The following DGKB variants were observed in gnomAD, a reference collection of about 807,000 sequenced individuals.
DGKB encodes diacylglycerol kinase beta, also known as 90 kDa diacylglycerol kinase.
A neutral mutation model predicts 114.3 loss-of-function variants in DGKB; 67 were observed. The observed-to-expected ratio is 0.59, with a 90% CI of 0.48 to 0.72. DGKB has a LOEUF of 0.72. DGKB is among the 30% of genes least tolerant of loss of function. The pLI, the probability that DGKB is intolerant of heterozygous loss-of-function variation, is 0.00. For missense variants in DGKB, 907 were observed against 975.2 expected, an observed-to-expected ratio of 0.93 and a Z score of 0.93; for synonymous variants, 398 against 323.1, an observed-to-expected ratio of 1.23 and a Z score of -2.49.
Position 14,502,066 on chromosome 7 carries a change from C to T in DGKB, c.1771-23841G>A, listed in dbSNP as rs911752217. ...CATTATTTTTTTCCCTACTTGTTCA[C>T]ACATGTCATACCCCAGTGAAAGAGG... On this transcript the variant is annotated intron_variant, in intron 20 of 25. Coordinates refer to ENST00000402815, the MANE Select transcript of DGKB (RefSeq NM_001350709.2). Among the ~76,000 whole-genome samples the T allele has an allele frequency of 2.8e-4, 42 of 151,992 alleles. 1 individual carries two copies. The highest frequency in any genetic ancestry group is 1.6e-4 in the Non-Finnish European group (11 of 67,874).
chr7:14,470,189 T>G (rs1584191317), intron 21 of DGKB, among the ~76,000 whole-genome samples: 1 of 151,978 alleles, frequency 6.6e-6, no homozygotes, highest in African/African-American at 2.4e-5. Flanking sequence ...CTCATGAAGA[T>G]ATGATTCTCT....
intron 23 of DGKB, among the ~76,000 whole-genome samples, chr7:14,324,652 C>T (rs1260777467): frequency 6.6e-6 from 1 of 152,066 alleles, no homozygotes; most frequent in African/African-American, 2.4e-5. Flanking sequence ...ATACTTTCTA[C>T]ATTTTATAAG....
intron 23 of DGKB, among the ~76,000 whole-genome samples, chr7:14,270,226 C>T (rs1407134868): frequency 2.0e-5 from 3 of 152,206 alleles, no homozygotes; most frequent in African/African-American, 4.8e-5. Context: ...CTATGCTCTC[C>T]GTTTCTCGAG....
At chr7:14,193,634 G>A (rs1183956621) in intron 23 of DGKB, among the ~76,000 whole-genome samples, 1 of 152,102 alleles carries the variant, frequency 6.6e-6, no homozygotes, top group Non-Finnish European at 1.5e-5. Flanking sequence ...ACGTTAGGGT[G>A]GGCAAGGACT....
At chr7:14,280,128 T>G (rs906374793) in intron 23 of DGKB, among the ~76,000 whole-genome samples, 5 of 151,438 alleles carry the variant, frequency 3.3e-5, no homozygotes, top group African/African-American at 1.2e-4. Context: ...TTTAGAAGAA[T>G]GTATAACTAG....
chr7:14,895,508 G>T (rs947374683), intron 1 of DGKB, among the ~76,000 whole-genome samples: 4 of 151,564 alleles, frequency 2.6e-5, no homozygotes, highest in African/African-American at 9.7e-5. Context: ...CTAAACATCA[G>T]CTCTTTGTTC....
chr7:14,243,116 A>G (rs527676630), intron 23 of DGKB, among the ~76,000 whole-genome samples: 2 of 152,222 alleles, frequency 1.3e-5, no homozygotes, highest in Admixed American at 1.3e-4. Flanking sequence ...TTTTTAGGTA[A>G]TTTACCTTTC....
intron 1 of DGKB, among the ~76,000 whole-genome samples, chr7:14,949,298 C>A (rs879762900): frequency 4.6e-5 from 7 of 151,838 alleles, no homozygotes; most frequent in Non-Finnish European, 1.0e-4. Flanking sequence ...TGACTTATAG[C>A]AAAGGGTTGT....
chr7:14,597,943 A>C (rs572617681), intron 17 of DGKB, among the ~76,000 whole-genome samples: 1 of 152,170 alleles, frequency 6.6e-6, no homozygotes, highest in Non-Finnish European at 1.5e-5. Context: ...ATCAATTTAA[A>C]GCACAATCTT....
At chr7:14,545,559 G>T (rs1388912485) in intron 20 of DGKB, among the ~76,000 whole-genome samples, 1 of 152,150 alleles carries the variant, frequency 6.6e-6, no homozygotes, top group Non-Finnish European at 1.5e-5. Context: ...AAACAGACTA[G>T]AGCAAAGGAA....
intron 20 of DGKB, among the ~76,000 whole-genome samples, chr7:14,514,079 A>G (rs779085252): frequency 2.6e-5 from 4 of 152,112 alleles, no homozygotes; most frequent in South Asian, 2.1e-4. Context: ...TAAAATGCCA[A>G]TGGAAACCCT....
chr7:14,771,428 A>G (rs1376017915), intron 2 of DGKB, among the ~76,000 whole-genome samples: 3 of 152,030 alleles, frequency 2.0e-5, no homozygotes, highest in Non-Finnish European at 4.4e-5. Context: ...TCTGGGAACA[A>G]TATTACCCAA....
At chr7:14,658,415 G>A (rs1259319784) in intron 13 of DGKB, among the ~76,000 whole-genome samples, 1 of 151,912 alleles carries the variant, frequency 6.6e-6, no homozygotes, top group African/African-American at 2.4e-5. Flanking sequence ...AGGATGGGAA[G>A]AGTTTGCATG....
intron 6 of DGKB, among the ~76,000 whole-genome samples, chr7:14,709,953 A>G (rs1210621125): frequency 2.2e-4 from 34 of 151,282 alleles, no homozygotes; most frequent in Non-Finnish European, 4.1e-4. Context: ...GTACCCTAAA[A>G]CTTAAAGTAT....
At chr7:14,650,623 A>C (rs1377660162) in intron 13 of DGKB, among the ~76,000 whole-genome samples, 2 of 87,434 alleles carry the variant, frequency 2.3e-5, no homozygotes, top group Non-Finnish European at 4.5e-5. Context: ...AAAAGCTAGC[A>C]GAAGGCAAGA....
Position 14,253,604 on chromosome 7 carries a change from T to G in DGKB, c.2123-75453A>C, listed in dbSNP as rs553421089. ...GTCTGAAATCTCTCTGGCATTAAGT[T>G]TATCTTACCCTCAGGGGGATTAGAT... On this transcript the variant is annotated intron_variant, in intron 23 of 25. Transcript: ENST00000402815. Among the ~76,000 whole-genome samples the G allele has an allele frequency of 9.8e-4, 149 of 152,364 alleles. 2 individuals carry two copies. In the Middle Eastern group the frequency reaches 0.014, roughly 14 times the overall value.
At chr7:14,550,871 T>C (rs1795007939) in intron 20 of DGKB, among the ~76,000 whole-genome samples, 1 of 152,158 alleles carries the variant, frequency 6.6e-6, no homozygotes, top group Non-Finnish European at 1.5e-5. Flanking sequence ...TAAAAGAAAA[T>C]GAAATTTAAA....
chr7:14,583,692 T>C (rs1800295186), intron 17 of DGKB, among the ~76,000 whole-genome samples: 2 of 152,176 alleles, frequency 1.3e-5, no homozygotes, highest in Admixed American at 6.6e-5. Flanking sequence ...TCACCTTGTA[T>C]TTTGACCTGG....
chr7:14,774,934 A>C (rs1031164992), intron 2 of DGKB, among the ~76,000 whole-genome samples: 5 of 152,134 alleles, frequency 3.3e-5, no homozygotes. Context: ...TTATGTTTAC[A>C]GGCAAGATCA....
Sources: allele counts gnomAD v4.1 joint callset (sites outside exome capture counted in the v4.1 genomes callset), GRCh38; gene constraint gnomAD v4.1.1; transcripts MANE v1.5; gene names NCBI Gene and HGNC (gene_info 2026-07-23, HGNC 2026-07-21).